The following EDIL3 variants were observed in gnomAD, a reference collection of about 807,000 sequenced individuals.
The protein encoded by EDIL3 is EGF like and discoidin domains 3, also known as EGF-like repeat and discoidin I-like domain-containing protein 3.
Under a neutral mutation model 67.4 loss-of-function variants are expected in EDIL3, and 37 were observed. The observed-to-expected ratio is 0.55, with a 90% CI of 0.42 to 0.72. The LOEUF (loss-of-function observed/expected upper bound fraction) is 0.72. Ranked by LOEUF, EDIL3 falls within the 30% of genes least tolerant of loss-of-function variation. EDIL3 has a pLI of 0.00. For missense variants in EDIL3, 527 were observed against 586.3 expected, an observed-to-expected ratio of 0.90 and a Z score of 1.04; for synonymous variants, 195 against 196.3, an observed-to-expected ratio of 0.99 and a Z score of 0.05.
chr5:84,364,680 A>G lies in EDIL3; in HGVS notation c.67+19628T>C, dbSNP rs72766417. Among the ~76,000 whole-genome samples, 1,318 of 152,164 alleles carry G rather than the reference A, an allele frequency of 8.7e-3. 5 individuals carry two copies. Among genetic ancestry groups the G allele is most frequent in the Non-Finnish European group, 0.014 (971 of 67,944 alleles). ...AGTACCCCAAATAATGTTTTAAATTATGACTTTATTTTTAAAAATTAATAT... is the reference window on the plus strand; with the variant it reads ...AGTACCCCAAATAATGTTTTAAATTGTGACTTTATTTTTAAAAATTAATAT... On this transcript the variant is annotated intron_variant, in intron 1 of 10. Transcript: ENST00000296591.
At chr5:84,150,022 A>G (rs1247247845) in intron 4 of EDIL3, among the ~76,000 whole-genome samples, 2 of 152,138 alleles carry the variant, frequency 1.3e-5, no homozygotes, top group Admixed American at 1.3e-4. Context: ...AAAATATTTG[A>G]ATAGATTATA....
chr5:84,370,859 A>G (rs943365008), intron 1 of EDIL3, among the ~76,000 whole-genome samples: 1 of 152,264 alleles, frequency 6.6e-6, no homozygotes, highest in Middle Eastern at 3.4e-3. Flanking sequence ...TAATGGGTCT[A>G]TCAAAGGAAC....
chr5:84,214,551 C>T (rs1478204354), intron 3 of EDIL3, among the ~76,000 whole-genome samples: 1 of 152,022 alleles, frequency 6.6e-6, no homozygotes, highest in African/African-American at 2.4e-5. Context: ...GCTTGAATAC[C>T]TAGATGTGAA....
rs902520703 is a variant in EDIL3, at chr5:83,942,702, G to A, written c.*717C>T. 2 of 151,930 alleles carry A rather than the reference G, an allele frequency of 1.3e-5. No homozygotes were observed. Among genetic ancestry groups the A allele is most frequent in the African/African-American group, 4.8e-5 (2 of 41,402 alleles). The allele number at this position is 151,930 out of a possible 1,614,324, so 9.4% of individuals were successfully genotyped here. A position where few individuals can be genotyped will look rare whatever the true frequency, so the allele number is the denominator to read the frequency against. ...GATCAATCTACTGATAGGCAGTCAT[G>A]TTCTACATATATGAGTAAACATGAC... On this transcript the variant is annotated 3_prime_UTR_variant, in exon 11 of 11. Transcript: ENST00000296591.
At chr5:83,950,212 C>T (rs1276459822) in intron 10 of EDIL3, among the ~76,000 whole-genome samples, 4 of 151,772 alleles carry the variant, frequency 2.6e-5, no homozygotes, top group African/African-American at 7.3e-5. Flanking sequence ...ATCCTTTCAT[C>T]GTGATAAACG....
rs189993410 is a variant in EDIL3, at chr5:84,298,268, G to A, written c.68-44056C>T. ...ATGATAGACTGGATAAAGAAAATGT[G>A]GTACGTACACACCATGGCATACTAT... is the stretch of plus-strand genomic sequence containing the variant. On this transcript the variant is annotated intron_variant, in intron 1 of 10. Transcript: ENST00000296591. 4.5e-4 allele frequency among the ~76,000 whole-genome samples: 69 copies of A among 152,162 alleles called. No homozygotes were observed. In the East Asian group the frequency reaches 0.013, roughly 28 times the overall value.
intron 1 of EDIL3, among the ~76,000 whole-genome samples, chr5:84,289,257 C>T (rs1745868561): frequency 6.6e-6 from 1 of 152,130 alleles, no homozygotes; most frequent in Non-Finnish European, 1.5e-5. Flanking sequence ...TCTAAATAAA[C>T]TTACTTAAAC....
chr5:84,063,924 C>T (rs1305904623), intron 8 of EDIL3, among the ~76,000 whole-genome samples: 1 of 152,010 alleles, frequency 6.6e-6, no homozygotes, highest in Non-Finnish European at 1.5e-5. Context: ...GAACAACTAC[C>T]AAAAATATAA....
At chr5:84,138,563 G>C (rs1748133215) in intron 4 of EDIL3, among the ~76,000 whole-genome samples, 1 of 152,032 alleles carries the variant, frequency 6.6e-6, no homozygotes, top group Non-Finnish European at 1.5e-5. Context: ...CTGAAGTCTT[G>C]GGCTATTACA....
rs78938409 is a variant in EDIL3, at chr5:84,244,201, A to C, written c.196+9883T>G. Among the ~76,000 whole-genome samples, 1,292 of 152,340 alleles carry C rather than the reference A, an allele frequency of 8.5e-3. 7 individuals are homozygous for C. Among genetic ancestry groups the C allele is most frequent in the Non-Finnish European group, 0.014 (923 of 68,028 alleles). ...TTCTAGCACATAGGAGATACCAATA[A>C]GATTTGTATTAGATGTTACAGCAGG... On this transcript the variant is annotated intron_variant, in intron 2 of 10. Coordinates refer to ENST00000296591, the MANE Select transcript of EDIL3 (RefSeq NM_005711.5).
chr5:84,082,045 T>C (rs1294582399), intron 6 of EDIL3, among the ~76,000 whole-genome samples: 1 of 152,252 alleles, frequency 6.6e-6, no homozygotes, highest in Non-Finnish European at 1.5e-5. Context: ...CTGATAATCA[T>C]ATCTCCATCC....
chr5:84,039,093 A>T (rs924242756), intron 9 of EDIL3, among the ~76,000 whole-genome samples: 4 of 148,878 alleles, frequency 2.7e-5, no homozygotes, highest in Admixed American at 6.6e-5. Flanking sequence ...TTTGAGTTCA[A>T]ATCCTAAAGA....
chr5:83,985,277 CATA>C (rs2112153352), intron 9 of EDIL3, among the ~76,000 whole-genome samples: 1 of 152,018 alleles, frequency 6.6e-6, no homozygotes, highest in African/African-American at 2.4e-5. Context: ...TCTGTTCTAG[CATA>C]ATGATTTCTC....
At chr5:84,065,450 T>C (rs1268524668) in intron 7 of EDIL3, among the ~76,000 whole-genome samples, 3 of 152,182 alleles carry the variant, frequency 2.0e-5, no homozygotes, top group Non-Finnish European at 4.4e-5. Context: ...CTTATTCTTA[T>C]TTTACCTTTT....
At chr5:84,325,722 C>T (rs2112160177) in intron 1 of EDIL3, among the ~76,000 whole-genome samples, 1 of 152,096 alleles carries the variant, frequency 6.6e-6, no homozygotes, top group African/African-American at 2.4e-5. Context: ...ATGGCTAAAA[C>T]TAGGAAGCAT....
chr5:84,073,154 T>C (rs191428004), intron 6 of EDIL3, among the ~76,000 whole-genome samples: 1 of 152,282 alleles, frequency 6.6e-6, no homozygotes, highest in East Asian at 1.9e-4. Flanking sequence ...CAACTCTTCA[T>C]GCTAAAAACT....
intron 2 of EDIL3, among the ~76,000 whole-genome samples, chr5:84,246,396 T>C (rs1744910180): frequency 6.6e-6 from 1 of 152,212 alleles, no homozygotes; most frequent in Non-Finnish European, 1.5e-5. Flanking sequence ...CAGACGCAGA[T>C]ATGAGTGCAA....
At chr5:84,321,923 C>T (rs758844751) in intron 1 of EDIL3, among the ~76,000 whole-genome samples, 2 of 151,986 alleles carry the variant, frequency 1.3e-5, no homozygotes, top group Non-Finnish European at 2.9e-5. Flanking sequence ...AAAGCAATTT[C>T]ATAGATGAAG....
chr5:84,326,161 C>T (rs1371165443), intron 1 of EDIL3, among the ~76,000 whole-genome samples: 1 of 152,010 alleles, frequency 6.6e-6, no homozygotes, highest in Non-Finnish European at 1.5e-5. Flanking sequence ...TTCCACCTTC[C>T]ACCATGGGAT....
Sources: gnomAD v4.1 joint callset for allele counts (sites outside exome capture counted in the v4.1 genomes callset) on GRCh38, gnomAD v4.1.1 for gene constraint, MANE v1.5 for transcripts, NCBI Gene and HGNC (gene_info 2026-07-23, HGNC 2026-07-21) for gene names.